The following TAB1 variants were observed in gnomAD, a reference collection of about 807,000 sequenced individuals.
The protein encoded by TAB1 is TGF-beta-activated kinase 1 and MAP3K7-binding protein 1.
TAB1 carries 30 observed loss-of-function variants against 54.5 expected under a neutral mutation model. The observed-to-expected ratio is 0.55, with a 90% CI of 0.41 to 0.75. The LOEUF is 0.75. TAB1 is among the 30% of genes least tolerant of loss of function. TAB1 has a pLI of 0.00. For missense variants in TAB1, 609 were observed against 683.2 expected, an observed-to-expected ratio of 0.89 and a Z score of 1.21; for synonymous variants, 289 against 286.9, an observed-to-expected ratio of 1.01 and a Z score of -0.07.
Position 39,419,526 on chromosome 22 carries a change from T to C in TAB1, c.672T>C (p.Asp224=). The change falls in exon 7 of 11, where the codon GAT becomes GAC. Residue 224 remains aspartate, a synonymous_variant. Coordinates refer to ENST00000216160, the MANE Select transcript of TAB1 (RefSeq NM_006116.3). ...ELFRLSQLGL[D]AGKIKQVGII... is the part of the protein sequence containing the mutation. ...CACTGTTTCCCTCCGTAGGCTTGGATGCTGGAAAGATCAAGCAGGTGGGGA... is the reference window on the plus strand; with the variant it reads ...CACTGTTTCCCTCCGTAGGCTTGGACGCTGGAAAGATCAAGCAGGTGGGGA... 1 of 1,607,872 alleles carries C rather than the reference T, an allele frequency of 6.2e-7. No individual in the cohort carries two copies. Among genetic ancestry groups the C allele is most frequent in the Non-Finnish European group, 8.5e-7 (1 of 1,176,202 alleles).
At chr22:39,436,387 T>C, downstream of TAB1, 1 of 871,510 alleles carries the variant, frequency 1.1e-6, no homozygotes, top group Middle Eastern at 2.2e-4. Context: ...TTGGTATCCG[T>C]GGCCTCAGAG....
At chr22:39,410,426 G>A (rs1035705744) in intron 1 of TAB1, among the ~76,000 whole-genome samples, 6 of 152,020 alleles carry the variant, frequency 3.9e-5, no homozygotes, top group Non-Finnish European at 5.9e-5. Flanking sequence ...TTCTTTTGGC[G>A]TTGCTTGTAC....
At chr22:39,416,602 T>C (rs370427321) in intron 3 of TAB1, 189 bp from the exon 4 acceptor site, 9 of 619,110 alleles carry the variant, frequency 1.5e-5, no homozygotes, top group East Asian at 5.5e-5. Flanking sequence ...GTCAAAGACA[T>C]TGATCTGCAG....
intron 8 of TAB1, among the ~76,000 whole-genome samples, chr22:39,423,198 C>T (rs763681255): frequency 2.6e-5 from 4 of 152,126 alleles, no homozygotes; most frequent in Non-Finnish European, 4.4e-5. Flanking sequence ...CTGTATCGCC[C>T]AGGTTAATCT....
intron 1 of TAB1, among the ~76,000 whole-genome samples, chr22:39,406,929 G>A (rs1470915941): frequency 1.3e-5 from 2 of 152,178 alleles, no homozygotes; most frequent in Non-Finnish European, 2.9e-5. Flanking sequence ...CACTGCGCCC[G>A]GCCTCTGGTC....
At chr22:39,419,468 G>T (rs1005778421) in intron 6 of TAB1, 51 bp from the exon 7 acceptor site, 4 of 1,451,224 alleles carry the variant, frequency 2.8e-6, no homozygotes, top group Admixed American at 1.9e-5. Context: ...CCTTCTTTTT[G>T]TTCCTCTTTG....
chr22:39,419,688 C>G (rs1926987330), intron 7 of TAB1, 58 bp downstream of exon 7: 1 of 1,248,462 alleles, frequency 8.0e-7, no homozygotes, highest in South Asian at 1.3e-5. Context: ...CTAGGGAGGC[C>G]AAGATGGGAG....
At chr22:39,401,316 C>A (rs1352205464) in intron 1 of TAB1, among the ~76,000 whole-genome samples, 1 of 152,158 alleles carries the variant, frequency 6.6e-6, no homozygotes, top group African/African-American at 2.4e-5. Flanking sequence ...TGCTGTCTTC[C>A]CCTCCACACC....
At position 39,430,188 on chromosome 22, in the gene TAB1, A is replaced by C; in HGVS notation, c.1481A>C (p.Asp494Ala). The C allele has an allele frequency of 1.2e-6, 2 of 1,613,546 alleles. No homozygotes were observed. The highest frequency in any genetic ancestry group is 1.7e-6 in the Non-Finnish European group (2 of 1,180,032). The change falls in exon 11 of 11, where the codon GAC (aspartate) becomes GCC (alanine). Residue 494 changes from aspartate (D) to alanine (A), a missense_variant. Asp to Ala is a moderately radical substitution (Grantham distance 126). Coordinates refer to ENST00000216160, the MANE Select transcript of TAB1 (RefSeq NM_006116.3). ...FAEFYRLWSV[D>A]HGEQSVVTAP ...GAGTTTTACCGCCTCTGGAGCGTGG[A>C]CCATGGCGAGCAGAGCGTGGTGACA...
chr22:39,431,355 G>A lies in TAB1; in HGVS notation c.*1133G>A, dbSNP rs927808963. On this transcript the variant is annotated 3_prime_UTR_variant, in exon 11 of 11. Transcript: ENST00000216160. The stretch of plus-strand genomic sequence containing the variant: ...CTGTTTCAGAGGAAGCAGGCCGAGA[G>A]ACTTGCACCTTGGCCAAGCCACACA... 1.7e-5 allele frequency: 17 copies of A among 985,538 alleles called. No homozygotes were observed. Among genetic ancestry groups the A allele is most frequent in the Non-Finnish European group, 1.9e-5 (16 of 830,014 alleles). The allele number at this position is 985,538 out of a possible 1,614,324, so 61.0% of individuals were successfully genotyped here. A position where few individuals can be genotyped will look rare whatever the true frequency, so the allele number is the denominator to read the frequency against.
Position 39,430,137 on chromosome 22 carries a change from G to A in TAB1, c.1430G>A (p.Arg477His), listed in dbSNP as rs749285152. The A allele has an allele frequency of 1.2e-5, 20 of 1,613,900 alleles. No homozygotes were observed. The highest frequency in any genetic ancestry group is 6.7e-5 in the African/African-American group (5 of 74,948). Reference protein sequence around the residue: ...AHSLPPGEDGRVEPYVDFAEF... With the variant: ...AHSLPPGEDGHVEPYVDFAEF... ...TCGCTCCCGCCTGGCGAGGACGGTC[G>A]TGTTGAGCCCTATGTGGACTTTGCT... Residue 477 changes from arginine to histidine, a missense_variant, in exon 11 of 11, where the codon CGT becomes CAT. Coordinates refer to ENST00000216160, the MANE Select transcript of TAB1 (RefSeq NM_006116.3).
chr22:39,407,642 C>T (rs1386771253), intron 1 of TAB1, among the ~76,000 whole-genome samples: 2 of 152,078 alleles, frequency 1.3e-5, no homozygotes, highest in Non-Finnish European at 2.9e-5. Flanking sequence ...TCTGCCACCA[C>T]GCCCGGCTAA....
At chr22:39,410,563 T>G (rs1926564815) in intron 1 of TAB1, among the ~76,000 whole-genome samples, 1 of 152,132 alleles carries the variant, frequency 6.6e-6, no homozygotes, top group African/African-American at 2.4e-5. Flanking sequence ...CCATTTCATC[T>G]TCCTTTTTTT....
chr22:39,429,680 C>G (rs936183971), intron 10 of TAB1: 1 of 350,444 alleles, frequency 2.9e-6, no homozygotes, highest in Admixed American at 6.5e-5. Flanking sequence ...TGGGGTTTCA[C>G]CGTGTTGGCC....
At chr22:39,436,326 C>T (rs1210718870), downstream of TAB1, among the ~76,000 whole-genome samples, 1 of 152,148 alleles carries the variant, frequency 6.6e-6, no homozygotes, top group Non-Finnish European at 1.5e-5. Flanking sequence ...GTTCTAACTA[C>T]GTTCCAGGTA....
chr22:39,414,983 G>A (rs779286139), intron 1 of TAB1, 23 bp from the exon 2 acceptor site: 22 of 1,613,384 alleles, frequency 1.4e-5, no homozygotes, highest in Admixed American at 1.7e-5. Flanking sequence ...GGCGTCTCAC[G>A]GCTTCCTGGT....
At chr22:39,435,458 C>T (rs975677020), downstream of TAB1, among the ~76,000 whole-genome samples, 3 of 152,212 alleles carry the variant, frequency 2.0e-5, no homozygotes, top group East Asian at 5.8e-4. Context: ...GGCCCTCACC[C>T]AGCCCCTGAA....
Position 39,417,776 on chromosome 22 carries a change from G to T in TAB1, c.477G>T (p.Glu159Asp). The change falls in exon 5 of 11, where the codon GAG (glutamate) becomes GAT (aspartate). Residue 159 changes from glutamate (E) to aspartate (D), a missense_variant. Glu to Asp is a conservative substitution (Grantham distance 45). Transcript: ENST00000216160. ...QKILERLKTL[E>D]REISGGAMAV... ...TCCTTGAGAGACTCAAGACGTTAGA[G>T]AGGGAAATTTCGGGAGGGGCCATGG... is the stretch of plus-strand genomic sequence containing the variant. 6.2e-7 allele frequency: 1 copy of T among 1,613,618 alleles called. No homozygotes were observed. The highest frequency in any genetic ancestry group is 8.5e-7 in the Non-Finnish European group (1 of 1,179,814).
At chr22:39,423,021 G>A (rs1341069087) in intron 8 of TAB1, among the ~76,000 whole-genome samples, 2 of 149,204 alleles carry the variant, frequency 1.3e-5, no homozygotes, top group Non-Finnish European at 3.0e-5. Context: ...CACCCAGACT[G>A]GAGTGCAGTG....
Sources: gnomAD v4.1 joint callset for allele counts (sites outside exome capture counted in the v4.1 genomes callset) on GRCh38, gnomAD v4.1.1 for gene constraint, MANE v1.5 for transcripts, NCBI Gene and HGNC (gene_info 2026-07-23, HGNC 2026-07-21) for gene names.